EPAS1: variants seen among roughly 807,000 people sequenced by gnomAD.
The protein encoded by EPAS1 is endothelial PAS domain protein 1.
EPAS1 carries 23 observed loss-of-function variants against 87.9 expected under a neutral mutation model. That is an observed-to-expected ratio of 0.26 (90% CI 0.19 to 0.37). The LOEUF (loss-of-function observed/expected upper bound fraction) is 0.37, where lower values mean the gene tolerates loss of function less well. Ranked by LOEUF, EPAS1 falls within the 10% of genes least tolerant of loss-of-function variation. EPAS1 has a pLI of 1.00. For synonymous variants in EPAS1, 508 were observed against 444.3 expected (o/e 1.14, Z -1.80); for missense variants, 1,138 against 1,120.7 (o/e 1.02, Z -0.22).
Position 46,385,132 on chromosome 2 carries a change from C to T in EPAS1, c.*472C>T, listed in dbSNP as rs1157580587. Reference sequence around the variant, plus strand: ...CAAGCTTGGTTTGTGGCGTCTCCCTCGCAGAGCCCTTCTCGTTTCTTTTTT... The same window carrying T: ...CAAGCTTGGTTTGTGGCGTCTCCCTTGCAGAGCCCTTCTCGTTTCTTTTTT... On this transcript the variant is annotated 3_prime_UTR_variant, in exon 16 of 16. Transcript: ENST00000263734. The T allele has an allele frequency of 1.8e-5, 3 of 169,292 alleles. No homozygotes were observed. The highest frequency in any genetic ancestry group is 2.6e-5 in the Non-Finnish European group (2 of 77,272). The allele number at this position is 169,292 out of a possible 1,614,324, so 10.5% of individuals were successfully genotyped here.
At chr2:46,309,365 T>C (rs1683170001) in intron 1 of EPAS1, among the ~76,000 whole-genome samples, 1 of 152,234 alleles carries the variant, frequency 6.6e-6, no homozygotes, top group Admixed American at 6.5e-5. Context: ...TTAAGCAATA[T>C]AAGATGATTT....
At chr2:46,374,844 T>C (rs890871451) in intron 7 of EPAS1, among the ~76,000 whole-genome samples, 10 of 152,160 alleles carry the variant, frequency 6.6e-5, no homozygotes, top group African/African-American at 2.4e-4. Flanking sequence ...TTCCCCAAGG[T>C]AGACAACAAA....
rs116249013 is a variant in EPAS1 at position 46,360,616 on chromosome 2, C to T, written c.455-22C>T. ...CATATAAAACTGACTTCAGCTGGTTCTTCCCATCCTTCCACATCCAGGCTC... is the reference window on the plus strand; with the variant it reads ...CATATAAAACTGACTTCAGCTGGTTTTTCCCATCCTTCCACATCCAGGCTC... On this transcript the variant is annotated intron_variant, in intron 4 of 15. Coordinates refer to ENST00000263734, the MANE Select transcript of EPAS1 (RefSeq NM_001430.5). The surrounding 1 kb of genome is among the most constrained non-coding windows in gnomAD (Gnocchi z 4.5). The T allele has an allele frequency of 5.6e-4, 896 of 1,604,624 alleles. 4 individuals are homozygous for T. The African/African-American group carries it at 0.01, about 19-fold the overall frequency.
intron 9 of EPAS1, 116 bp from the exon 10 acceptor site, chr2:46,377,778 C>T: frequency 6.5e-7 from 1 of 1,536,042 alleles, no homozygotes; most frequent in Non-Finnish European, 8.8e-7. Context: ...GGGGCCTAGC[C>T]CCAGGCATGC....
intron 7 of EPAS1, among the ~76,000 whole-genome samples, chr2:46,372,317 A>G (rs886559108): frequency 6.6e-6 from 1 of 152,152 alleles, no homozygotes; most frequent in Non-Finnish European, 1.5e-5. Flanking sequence ...CCTGTCTCTC[A>G]TTCGTCCTTG....
In EPAS1 at chr2:46,347,091, G is replaced by T. The variant is rs769385664; in HGVS notation, c.217+28G>T. 6.2e-7 allele frequency: 1 copy of T among 1,613,830 alleles called. No individual in the cohort carries two copies. ...AAGGCCAGCAGGCTCCCCTAGGCTG[G>T]GCAGATGCCAGCCTTACCAGCATGT... is the stretch of plus-strand genomic sequence containing the variant. On this transcript the variant is annotated intron_variant, in intron 2 of 15. Coordinates refer to ENST00000263734, the MANE Select transcript of EPAS1 (RefSeq NM_001430.5). This position sits in a 1 kb window ranked among gnomAD's most constrained non-coding sequence, Gnocchi z 4.2.
At chr2:46,314,500 A>G (rs903051856) in intron 1 of EPAS1, among the ~76,000 whole-genome samples, 2 of 152,224 alleles carry the variant, frequency 1.3e-5, no homozygotes, top group African/African-American at 4.8e-5. Flanking sequence ...CTGTTTGTGT[A>G]GCCTGCTAGA....
At chr2:46,321,729 T>A (rs1486300193) in intron 1 of EPAS1, among the ~76,000 whole-genome samples, 1 of 121,178 alleles carries the variant, frequency 8.3e-6, no homozygotes, top group African/African-American at 3.1e-5. Context: ...GGAATGGAAA[T>A]CACTGCCCCA....
chr2:46,329,855 CCTT>C (rs1000479074), intron 1 of EPAS1, among the ~76,000 whole-genome samples: 2 of 152,138 alleles, frequency 1.3e-5, no homozygotes, highest in African/African-American at 4.8e-5. Context: ...ACACACACAT[CCTT>C]CTTAAAGACA....
intron 8 of EPAS1, among the ~76,000 whole-genome samples, chr2:46,376,337 C>T (rs1189368722): frequency 6.6e-6 from 1 of 152,196 alleles, no homozygotes; most frequent in African/African-American, 2.4e-5. Flanking sequence ...CCGAAACAGA[C>T]ATACATTCAG....
At chr2:46,301,574 CAAAG>C (rs1682999945) in intron 1 of EPAS1, among the ~76,000 whole-genome samples, 2 of 83,142 alleles carry the variant, frequency 2.4e-5, no homozygotes, top group African/African-American at 9.0e-5. Context: ...AATTCCGTCT[CAAAG>C]AAAAAAAAAA....
intron 1 of EPAS1, among the ~76,000 whole-genome samples, chr2:46,321,767 A>G (rs6753302): frequency 6.6e-6 from 1 of 151,592 alleles, no homozygotes; most frequent in Non-Finnish European, 1.5e-5. Flanking sequence ...GCAAACAAAG[A>G]CTATCAACAT....
chr2:46,363,022 A>C (rs1398934837), intron 6 of EPAS1, among the ~76,000 whole-genome samples: 1 of 123,814 alleles, frequency 8.1e-6, no homozygotes, highest in Non-Finnish European at 1.8e-5. Flanking sequence ...TGGTGGTGAT[A>C]ATGATGGTGG....
At chr2:46,320,928 C>A (rs1189410915) in intron 1 of EPAS1, among the ~76,000 whole-genome samples, 2 of 152,158 alleles carry the variant, frequency 1.3e-5, no homozygotes, top group Non-Finnish European at 2.9e-5. Flanking sequence ...TTTAAGCCTG[C>A]AATTCAATGG....
At chr2:46,334,105 T>C (rs1683741674) in intron 1 of EPAS1, among the ~76,000 whole-genome samples, 2 of 152,202 alleles carry the variant, frequency 1.3e-5, no homozygotes, top group South Asian at 4.1e-4. Flanking sequence ...GGTTTCATTT[T>C]CCTTGGCTTT....
intron 1 of EPAS1, among the ~76,000 whole-genome samples, chr2:46,307,083 G>A (rs781635193): frequency 1.3e-5 from 2 of 152,226 alleles, no homozygotes; most frequent in Non-Finnish European, 2.9e-5. Flanking sequence ...CAGTGAGATT[G>A]CTTTCGCAGT....
chr2:46,313,438 GTTAT>G (rs34298350), intron 1 of EPAS1, among the ~76,000 whole-genome samples: 435 of 148,770 alleles, frequency 2.9e-3, no homozygotes, highest in African/African-American at 0.01. Flanking sequence ...CCCACATGTT[GTTAT>G]TTATTTATTT....
chr2:46,375,617 T>A lies in EPAS1; in HGVS notation c.887-73T>A. On this transcript the variant is annotated intron_variant, in intron 7 of 15. Transcript: ENST00000263734. This position sits in a 1 kb window ranked among gnomAD's most constrained non-coding sequence, Gnocchi z 4.1. ...CCCTGCAGATTAGACTGCCCTCCCA[T>A]GCGATCTGCTGAGCCTGTGGTGCAC... The A allele has an allele frequency of 2.6e-6, 4 of 1,554,192 alleles. No homozygotes were observed. Among genetic ancestry groups the A allele is most frequent in the Non-Finnish European group, 3.5e-6 (4 of 1,143,646 alleles).
chr2:46,302,805 A>G (rs1216676522), intron 1 of EPAS1, among the ~76,000 whole-genome samples: 1 of 151,558 alleles, frequency 6.6e-6, no homozygotes, highest in Non-Finnish European at 1.5e-5. Flanking sequence ...TGGGCGTGGT[A>G]ACTCATGCCT....
Sources: gnomAD v4.1 joint callset for allele counts (sites outside exome capture counted in the v4.1 genomes callset) on GRCh38, gnomAD v4.1.1 for gene constraint, Gnocchi (gnomAD v3.1) non-coding constraint, MANE v1.5 for transcripts, NCBI Gene and HGNC (gene_info 2026-07-23, HGNC 2026-07-21) for gene names.